Variants in NSF observed in about 807,000 individuals in gnomAD.
NSF encodes N-ethylmaleimide sensitive factor, vesicle fusing ATPase.
Under a neutral mutation model 50.3 loss-of-function variants are expected in NSF, and 14 were observed. That is an observed-to-expected ratio of 0.28 (90% CI 0.18 to 0.44). The LOEUF (loss-of-function observed/expected upper bound fraction) is 0.44, where lower values mean the gene tolerates loss of function less well. Ranked by LOEUF, NSF falls within the 20% of genes least tolerant of loss-of-function variation. The pLI is 1.00. For missense variants in NSF, 218 were observed against 504.3 expected (o/e 0.43, Z 5.44); for synonymous variants, 109 against 175.7 (o/e 0.62, Z 3.00).
intron 17 of NSF, among the ~76,000 whole-genome samples, chr17:46,744,215 A>C (rs745899313): frequency 6.6e-6 from 1 of 152,218 alleles, no homozygotes; most frequent in Non-Finnish European, 1.5e-5. Flanking sequence ...ACCAAATCTC[A>C]TAATTCTATT....
chr17:46,609,725 T>G (rs1238639620), intron 1 of NSF, among the ~76,000 whole-genome samples: 18 of 147,496 alleles, frequency 1.2e-4, no homozygotes, highest in Non-Finnish European at 6.0e-5. Flanking sequence ...ACAATTTAGA[T>G]AAGTATAGTG....
chr17:46,622,315 A>G (rs57476806), intron 1 of NSF, among the ~76,000 whole-genome samples: 15,495 of 136,614 alleles, frequency 0.11, 1,239 homozygotes, highest in Non-Finnish European at 0.17. Flanking sequence ...AAAATTAGCC[A>G]GGCGTGGTGG....
intron 15 of NSF, among the ~76,000 whole-genome samples, chr17:46,724,013 C>T (rs1376450840): frequency 6.6e-6 from 1 of 152,172 alleles, no homozygotes; most frequent in African/African-American, 2.4e-5. Context: ...TTCATCTCAC[C>T]TACCACTCCA....
At chr17:46,740,530 G>C (rs145968049) in intron 17 of NSF, among the ~76,000 whole-genome samples, 1 of 152,264 alleles carries the variant, frequency 6.6e-6, no homozygotes, top group East Asian at 1.9e-4. Flanking sequence ...GTGGATATAA[G>C]AGTGGGGAGT....
intron 9 of NSF, among the ~76,000 whole-genome samples, chr17:46,675,722 T>G (rs1044118351): frequency 4.7e-5 from 6 of 128,696 alleles, no homozygotes; most frequent in African/African-American, 1.9e-4. Context: ...CTAACATATT[T>G]TTTTCATTGA....
At chr17:46,741,030 G>T (rs1006791715) in intron 17 of NSF, among the ~76,000 whole-genome samples, 1 of 151,340 alleles carries the variant, frequency 6.6e-6, no homozygotes, top group Non-Finnish European at 1.5e-5. Flanking sequence ...TGGGGCTTGT[G>T]GGGGCAGGGG....
chr17:46,731,427 G>A (rs1289375460), intron 17 of NSF, among the ~76,000 whole-genome samples: 1 of 152,136 alleles, frequency 6.6e-6, no homozygotes, highest in Non-Finnish European at 1.5e-5. Flanking sequence ...TGGTGGTGTT[G>A]TGTATATCTG....
Position 46,713,883 on chromosome 17 carries a change from C to G in NSF, c.1658C>G (p.Ala553Gly). 6.2e-7 allele frequency: 1 copy of G among 1,612,432 alleles called. No homozygotes were observed. The highest frequency in any genetic ancestry group is 8.5e-7 in the Non-Finnish European group (1 of 1,179,556). ...GPPHSGKTAL[A>G]AKIAEESNFP... is the part of the protein sequence containing the mutation. ...CCTCACAGTGGGAAGACTGCTTTAG[C>G]TGCAAAAATTGCAGAGGAATCCAAC... Residue 553 changes from alanine to glycine, a missense_variant, in exon 15 of 21, where the codon GCT becomes GGT. Physicochemically the swap from Ala to Gly is moderately conservative, Grantham distance 60. Coordinates refer to ENST00000398238, the MANE Select transcript of NSF (RefSeq NM_006178.4).
chr17:46,671,592 A>G (rs1225071295), intron 8 of NSF, among the ~76,000 whole-genome samples: 1 of 40,008 alleles, frequency 2.5e-5, no homozygotes, highest in Non-Finnish European at 6.1e-5. Flanking sequence ...TCCTAAAAGA[A>G]TTATAGTTCT....
At chr17:46,599,371 A>AT (rs1215952652) in intron 1 of NSF, among the ~76,000 whole-genome samples, 2 of 57,578 alleles carry the variant, frequency 3.5e-5, no homozygotes, top group Non-Finnish European at 5.9e-5. Flanking sequence ...TTTCCAACTT[A>AT]TTTTTTTTTA....
intron 8 of NSF, among the ~76,000 whole-genome samples, chr17:46,657,740 G>A (rs2058272103): frequency 1.2e-5 from 1 of 83,704 alleles, no homozygotes; most frequent in Admixed American, 1.3e-4. Context: ...TAATATTGAG[G>A]TATTTGTAAC....
At chr17:46,709,022 A>G (rs1260252964) in intron 13 of NSF, among the ~76,000 whole-genome samples, 1 of 151,020 alleles carries the variant, frequency 6.6e-6, no homozygotes, top group South Asian at 2.1e-4. Flanking sequence ...ACGAGGTTTC[A>G]CTTTGTTGGC....
chr17:46,740,956 G>A (rs959503568), intron 17 of NSF, among the ~76,000 whole-genome samples: 1 of 152,162 alleles, frequency 6.6e-6, no homozygotes, highest in Non-Finnish European at 1.5e-5. Context: ...TAAGAGCACA[G>A]AGGTCATTAT....
At chr17:46,711,452 C>G (rs1331357078) in intron 14 of NSF, among the ~76,000 whole-genome samples, 1 of 152,054 alleles carries the variant, frequency 6.6e-6, no homozygotes, top group Non-Finnish European at 1.5e-5. Context: ...GAACTAGTTG[C>G]TGGGGATACA....
At chr17:46,625,961 A>G (rs1248886366) in intron 2 of NSF, among the ~76,000 whole-genome samples, 2 of 144,346 alleles carry the variant, frequency 1.4e-5, no homozygotes, top group African/African-American at 5.3e-5. Flanking sequence ...AGTACTTTTT[A>G]GTTACCTGGT....
intron 12 of NSF, 39 bp from the exon 13 acceptor site, chr17:46,704,720 T>A (rs767884547): frequency 3.1e-6 from 5 of 1,591,934 alleles, no homozygotes; most frequent in African/African-American, 2.7e-5. Context: ...TATTCTTAAA[T>A]CTTGGAAGTC....
chr17:46,721,767 C>T, intron 15 of NSF: 1 of 1,603,356 alleles, frequency 6.2e-7, no homozygotes, highest in Non-Finnish European at 8.5e-7. Flanking sequence ...CTTGGGAAGA[C>T]CAAGTCCTCA....
At chr17:46,703,409 CG>C (rs1182643647) in intron 12 of NSF, among the ~76,000 whole-genome samples, 14 of 115,996 alleles carry the variant, frequency 1.2e-4, no homozygotes, top group Admixed American at 2.6e-4. Flanking sequence ...ATTGTCCGGG[CG>C]TGGTGGCTCA....
chr17:46,717,187 T>C (rs1366734901), intron 15 of NSF, among the ~76,000 whole-genome samples: 1 of 152,166 alleles, frequency 6.6e-6, no homozygotes, highest in Non-Finnish European at 1.5e-5. Context: ...CCTTGTCATT[T>C]GCAACAACAT....
Sources: gnomAD v4.1 joint callset for allele counts (sites outside exome capture counted in the v4.1 genomes callset) on GRCh38, gnomAD v4.1.1 for gene constraint, MANE v1.5 for transcripts, NCBI Gene and HGNC (gene_info 2026-07-23, HGNC 2026-07-21) for gene names.